Variants in RIT2 observed in about 807,000 individuals in gnomAD.
The protein encoded by RIT2 is Ras like without CAAX 2, also known as GTP-binding protein Rit2.
A neutral mutation model predicts 23.7 loss-of-function variants in RIT2; 24 were observed. The observed-to-expected ratio is 1.01, with a 90% CI of 0.73 to 1.43. The LOEUF (loss-of-function observed/expected upper bound fraction) is 1.43, where lower values mean the gene tolerates loss of function less well. Among genes scored for constraint, RIT2 ranks in the 40% most tolerant of loss-of-function variants. The pLI, the probability that RIT2 is intolerant of heterozygous loss-of-function variation, is 0.00. For missense variants in RIT2, 236 were observed against 266.9 expected (o/e 0.88, Z 0.81); for synonymous variants, 107 against 91.1 (o/e 1.17, Z -0.99).
chr18:43,107,785 G>T (rs567740708), intron 1 of RIT2, among the ~76,000 whole-genome samples: 33 of 152,170 alleles, frequency 2.2e-4, no homozygotes, highest in African/African-American at 6.7e-4. Context: ...TCTAATAAGC[G>T]TAGCACTCTC....
intron 2 of RIT2, among the ~76,000 whole-genome samples, chr18:42,986,508 T>C (rs1468357773): frequency 6.6e-6 from 1 of 152,066 alleles, no homozygotes; most frequent in Non-Finnish European, 1.5e-5. Flanking sequence ...ATTTTATTTA[T>C]TTATTTATTT....
chr18:42,953,671 CTG>C (rs1421207987), intron 3 of RIT2, among the ~76,000 whole-genome samples: 2 of 152,178 alleles, frequency 1.3e-5, no homozygotes, highest in Non-Finnish European at 2.9e-5. Context: ...ATAAACAACA[CTG>C]TTAAAGCTTG....
chr18:42,815,546 T>C (rs1199953553), intron 4 of RIT2, among the ~76,000 whole-genome samples: 1 of 152,164 alleles, frequency 6.6e-6, no homozygotes, highest in Non-Finnish European at 1.5e-5. Context: ...GCAAACATAT[T>C]TGGGGGAATA....
At chr18:43,068,160 T>A (rs936489251) in intron 1 of RIT2, among the ~76,000 whole-genome samples, 6 of 152,146 alleles carry the variant, frequency 3.9e-5, no homozygotes, top group African/African-American at 1.4e-4. Context: ...ATTTATTGAG[T>A]AATTACAGGA....
intron 2 of RIT2, among the ~76,000 whole-genome samples, chr18:43,017,325 CT>C: frequency 1.3e-5 from 2 of 151,838 alleles, no homozygotes; most frequent in South Asian, 4.2e-4. Flanking sequence ...TCTTCTCACT[CT>C]AATTATTTAC....
At chr18:42,886,071 C>T (rs772299564) in intron 4 of RIT2, among the ~76,000 whole-genome samples, 2 of 152,064 alleles carry the variant, frequency 1.3e-5, no homozygotes, top group Non-Finnish European at 2.9e-5. Flanking sequence ...TCAATTTTTT[C>T]CTTTAGATGA....
At chr18:43,113,925 C>T (rs1473097164) in intron 1 of RIT2, among the ~76,000 whole-genome samples, 2 of 152,018 alleles carry the variant, frequency 1.3e-5, no homozygotes, top group Non-Finnish European at 2.9e-5. Flanking sequence ...GTATTTTATT[C>T]TCACATTGTT....
chr18:42,856,534 G>A (rs1907185737), intron 4 of RIT2, among the ~76,000 whole-genome samples: 1 of 152,132 alleles, frequency 6.6e-6, no homozygotes, highest in African/African-American at 2.4e-5. Context: ...ATCTGCCTTA[G>A]GGGGAGTGAT....
At chr18:42,852,553 G>A (rs1907081815) in intron 4 of RIT2, among the ~76,000 whole-genome samples, 1 of 152,166 alleles carries the variant, frequency 6.6e-6, no homozygotes, top group African/African-American at 2.4e-5. Context: ...CGGAGATGTT[G>A]TTGAGAGACA....
chr18:42,791,261 C>T (rs1220430580), intron 4 of RIT2, among the ~76,000 whole-genome samples: 1 of 152,170 alleles, frequency 6.6e-6, no homozygotes, highest in Non-Finnish European at 1.5e-5. Flanking sequence ...CAACCCCAGA[C>T]AAATCCTAAA....
chr18:42,918,993 T>G (rs749636139), intron 4 of RIT2, among the ~76,000 whole-genome samples: 3 of 152,164 alleles, frequency 2.0e-5, no homozygotes, highest in Non-Finnish European at 4.4e-5. Context: ...TGTGCTATAT[T>G]GTTCAACATG....
At chr18:43,083,300 C>A (rs1447493155) in intron 1 of RIT2, among the ~76,000 whole-genome samples, 1 of 152,168 alleles carries the variant, frequency 6.6e-6, no homozygotes, top group African/African-American at 2.4e-5. Context: ...AATGGCCATA[C>A]TGCCCAAAGT....
At chr18:42,919,466 C>T (rs1229645080) in intron 4 of RIT2, among the ~76,000 whole-genome samples, 2 of 152,106 alleles carry the variant, frequency 1.3e-5, no homozygotes, top group African/African-American at 4.8e-5. Context: ...GTAATCCCAG[C>T]ACTTTGGGCA....
intron 3 of RIT2, among the ~76,000 whole-genome samples, chr18:42,933,679 C>G (rs1396754078): frequency 6.6e-6 from 1 of 152,074 alleles, no homozygotes; most frequent in South Asian, 2.1e-4. Flanking sequence ...CCACCATGAT[C>G]GAAAACTTTG....
At chr18:43,045,002 T>A (rs2144299034) in intron 1 of RIT2, among the ~76,000 whole-genome samples, 1 of 152,322 alleles carries the variant, frequency 6.6e-6, no homozygotes, top group Non-Finnish European at 1.5e-5. Flanking sequence ...CATTATTTAT[T>A]TGCTGTATGC....
intron 3 of RIT2, among the ~76,000 whole-genome samples, chr18:42,942,041 G>A (rs901095678): frequency 5.3e-5 from 8 of 151,702 alleles, no homozygotes; most frequent in South Asian, 2.1e-4. Context: ...AATTATCAAG[G>A]TATCATTTAT....
chr18:43,026,483 G>A (rs757283471), intron 2 of RIT2, among the ~76,000 whole-genome samples: 2 of 151,608 alleles, frequency 1.3e-5, no homozygotes, highest in Non-Finnish European at 2.9e-5. Flanking sequence ...GAACCCGGGA[G>A]GCAGAGGGTA....
At chr18:43,040,848 A>T (rs1912111632) in intron 1 of RIT2, among the ~76,000 whole-genome samples, 1 of 152,190 alleles carries the variant, frequency 6.6e-6, no homozygotes, top group African/African-American at 2.4e-5. Context: ...TCTGAAAAAA[A>T]TAACTTTGGC....
chr18:42,911,652 A>G (rs1462719748), intron 4 of RIT2, among the ~76,000 whole-genome samples: 1 of 152,064 alleles, frequency 6.6e-6, no homozygotes, highest in Non-Finnish European at 1.5e-5. Context: ...ACAAGGAAAT[A>G]TTATGAATAA....
Sources: gnomAD v4.1 joint callset for allele counts (sites outside exome capture counted in the v4.1 genomes callset) on GRCh38, gnomAD v4.1.1 for gene constraint, MANE v1.5 for transcripts, NCBI Gene and HGNC (gene_info 2026-07-23, HGNC 2026-07-21) for gene names.